The following AVL9 variants were observed in gnomAD, a reference collection of about 807,000 sequenced individuals.
AVL9 encodes late secretory pathway protein AVL9 homolog.
In AVL9, 49 loss-of-function variants were observed where a neutral mutation model predicts 79.2. The ratio of observed to expected loss-of-function variants is 0.62; its 90% CI spans 0.49 to 0.79. AVL9 has a LOEUF of 0.79. Ranked by LOEUF, AVL9 falls within the 30% of genes least tolerant of loss-of-function variation. AVL9 has a pLI of 0.00. For synonymous variants in AVL9, 299 were observed against 280.6 expected, an observed-to-expected ratio of 1.07 and a Z score of -0.65; for missense variants, 682 against 776.8, an observed-to-expected ratio of 0.88 and a Z score of 1.45.
At chr7:32,539,054 C>G (rs1789048194) in intron 1 of AVL9, 1 of 152,256 alleles carries the variant, frequency 6.6e-6, no homozygotes, top group Non-Finnish European at 1.5e-5. Context: ...GAGTTTGAGA[C>G]TAGCCTGACC....
intron 1 of AVL9, among the ~76,000 whole-genome samples, chr7:32,512,398 C>T (rs544778318): frequency 1.5e-5 from 2 of 129,642 alleles, no homozygotes; most frequent in South Asian, 2.7e-4. Context: ...AGAGATGTTA[C>T]GTTATTTTAT....
chr7:32,504,803 G>C (rs1472930191), intron 1 of AVL9, among the ~76,000 whole-genome samples: 1 of 152,198 alleles, frequency 6.6e-6, no homozygotes, highest in Admixed American at 6.5e-5. Flanking sequence ...TCTGTGCATT[G>C]ATGAGGTATT....
intron 1 of AVL9, among the ~76,000 whole-genome samples, chr7:32,523,573 T>C (rs957846723): frequency 7.1e-5 from 10 of 141,044 alleles, no homozygotes; most frequent in Non-Finnish European, 3.0e-5. Flanking sequence ...TGGAATGTAG[T>C]GGTGCAGTCT....
In AVL9 at chr7:32,532,567, G is replaced by A. The variant is rs1043403933; in HGVS notation, c.94-10574G>A. 21 of 152,116 alleles carry A rather than the reference G, an allele frequency of 1.4e-4. No homozygotes were observed. In the South Asian group the frequency reaches 2.1e-3, roughly 15 times the overall value. The allele number at this position is 152,116 out of a possible 1,614,324, so 9.4% of individuals were successfully genotyped here. ...GGATTCTCATAATAACAATTTCTAC[G>A]TTAAAATTAAAATACACATTATCTA... is the stretch of plus-strand genomic sequence containing the variant. On this transcript the variant is annotated intron_variant, in intron 1 of 15. Transcript: ENST00000318709.
chr7:32,560,062 G>T (rs1790266175), intron 10 of AVL9: 1 of 151,898 alleles, frequency 6.6e-6, no homozygotes, highest in African/African-American at 2.4e-5. Context: ...CCAGGAGTTT[G>T]ATTAGCCAGA....
chr7:32,516,293 T>C (rs1271051388), intron 1 of AVL9, among the ~76,000 whole-genome samples: 4 of 152,178 alleles, frequency 2.6e-5, no homozygotes, highest in African/African-American at 7.2e-5. Context: ...CACTGTTTTG[T>C]TTTTTCCACC....
chr7:32,559,416 G>A lies in AVL9; in HGVS notation c.1167G>A (p.Ser389=), dbSNP rs772632589. 14 of 1,605,084 alleles carry A rather than the reference G, an allele frequency of 8.7e-6. No individual in the cohort carries two copies. Among genetic ancestry groups the A allele is most frequent in the Middle Eastern group, 3.3e-4 (2 of 6,014 alleles). ...GQVVLIPGLI[S]GLEEDQYGMP... ...TAGTCCTGATACCAGGGCTCATTTCGGGTTTGGAAGAGGATCAGTATGGCA... is the reference window on the plus strand; with the variant it reads ...TAGTCCTGATACCAGGGCTCATTTCAGGTTTGGAAGAGGATCAGTATGGCA... The change falls in exon 10 of 16, where the codon TCG becomes TCA. Residue 389 remains serine (S), a synonymous_variant. Transcript: ENST00000318709.
chr7:32,567,730 T>C (rs1790647257), intron 10 of AVL9, among the ~76,000 whole-genome samples: 1 of 151,854 alleles, frequency 6.6e-6, no homozygotes, highest in Admixed American at 6.6e-5. Context: ...TTATTTATTT[T>C]TGAGACAGAG....
rs1791710038 is a variant in AVL9 at position 32,584,935 on chromosome 7, AATT to A, written c.*1032_*1034del. On this transcript the variant is annotated 3_prime_UTR_variant, in exon 16 of 16. Coordinates refer to ENST00000318709, the MANE Select transcript of AVL9 (RefSeq NM_015060.3). ...TGGACATGCGCCACCATGCCCAGCT[AATT>A]ATTGTATTTTTAGTAGAGACGGGGT... 6.6e-6 allele frequency: 1 copy of A among 151,934 alleles called. No homozygotes were observed. Among genetic ancestry groups the A allele is most frequent in the African/African-American group, 2.4e-5 (1 of 41,366 alleles). The allele number at this position is 151,934 out of a possible 1,614,324, so 9.4% of individuals were successfully genotyped here. A position where few individuals can be genotyped will look rare whatever the true frequency, so the allele number is the denominator to read the frequency against.
At chr7:32,574,266 G>T (rs1562798450) in intron 12 of AVL9, among the ~76,000 whole-genome samples, 1 of 145,892 alleles carries the variant, frequency 6.9e-6, no homozygotes, top group South Asian at 2.2e-4. Flanking sequence ...ATGCTCCCAG[G>T]TTAGTTGTTT....
At chr7:32,579,562 TTA>T (rs1400960381) in intron 13 of AVL9, among the ~76,000 whole-genome samples, 2 of 3,494 alleles carry the variant, frequency 5.7e-4, no homozygotes, top group East Asian at 0.011. Flanking sequence ...ATATATTATA[TTA>T]TATATTATAT....
chr7:32,496,357 C>A (rs141203589), intron 1 of AVL9, among the ~76,000 whole-genome samples: 1,720 of 152,318 alleles, frequency 0.011, 35 homozygotes, highest in African/African-American at 0.038. Context: ...CTTTGCCTCC[C>A]CCTTCCCATT....
rs1205875980 is a variant in AVL9, at chr7:32,573,336, G to C, written c.1488G>C (p.Thr496=). ...GGGATGACGTCTTCCTAGATGGCAC[G>C]GGCTGGGAGGGAGGTGACGAATGGA... ...ENRDDVFLDG[T]GWEGGDEWIR... is the part of the protein sequence containing the mutation. Residue 496 remains threonine (T), a synonymous_variant, in exon 12 of 16, where the codon ACG becomes ACC. Transcript: ENST00000318709. 6.2e-7 allele frequency: 1 copy of C among 1,613,702 alleles called. No homozygotes were observed. The highest frequency in any genetic ancestry group is 8.5e-7 in the Non-Finnish European group (1 of 1,179,994).
chr7:32,537,434 ATAATATATATCCATTAGAAAGGAGT>A (rs1354311062), intron 1 of AVL9: 1 of 151,588 alleles, frequency 6.6e-6, no homozygotes, highest in East Asian at 1.9e-4. Flanking sequence ...AAATAATGAA[ATAATATATATCCATTAGAAAGGAGT>A]TTTTTTTTTT....
rs3079781 is a variant in AVL9, at chr7:32,508,221, C to CAACT, written c.93+12421_93+12424dup. Among the ~76,000 whole-genome samples the CAACT allele has an allele frequency of 7.9e-4, 120 of 152,166 alleles. 1 individual carries two copies. Among genetic ancestry groups the CAACT allele is most frequent in the African/African-American group, 2.7e-3 (112 of 41,498 alleles). The stretch of plus-strand genomic sequence containing the variant: ...TTTTACACCATAATTGAAATGTGGT[C>CAACT]AACTATATTAGTCTTTCCCATTGTG... On this transcript the variant is annotated intron_variant, in intron 1 of 15. Transcript: ENST00000318709.
At position 32,544,798 on chromosome 7, in the gene AVL9, A is replaced by C. The variant is rs1163229231; in HGVS notation, c.300+19A>C. ...AGCCAAGGTACGATAGTTAATAGTG[A>C]AAAACAATTCCAAAGTCCCTTCTTA... On this transcript the variant is annotated intron_variant, in intron 3 of 15. Transcript: ENST00000318709. The C allele has an allele frequency of 1.9e-6, 3 of 1,586,128 alleles. No homozygotes were observed. Among genetic ancestry groups the C allele is most frequent in the Admixed American group, 3.4e-5 (2 of 59,594 alleles).
At chr7:32,544,854 T>A in intron 3 of AVL9, 75 bp downstream of exon 3, 1 of 1,045,460 alleles carries the variant, frequency 9.6e-7, no homozygotes, top group Middle Eastern at 2.2e-4. Context: ...AGTCTTTATT[T>A]TTCAGTGGTG....
intron 1 of AVL9, chr7:32,533,088 C>G (rs1441369167): frequency 6.6e-6 from 1 of 152,214 alleles, no homozygotes; most frequent in Non-Finnish European, 1.5e-5. Context: ...GGGTGGATCA[C>G]TTGAGGTCAG....
intron 1 of AVL9, among the ~76,000 whole-genome samples, chr7:32,497,842 G>A (rs376994216): frequency 3.3e-5 from 5 of 151,958 alleles, no homozygotes; most frequent in African/African-American, 7.3e-5. Context: ...TAGTAGAGAC[G>A]GGGTTTCACA....
Sources: gnomAD v4.1 joint callset for allele counts (sites outside exome capture counted in the v4.1 genomes callset) on GRCh38, gnomAD v4.1.1 for gene constraint, MANE v1.5 for transcripts, NCBI Gene and HGNC (gene_info 2026-07-23, HGNC 2026-07-21) for gene names.